Variants in ACKR2 observed in about 807,000 individuals in gnomAD.
ACKR2 encodes the protein atypical chemokine receptor 2, also known as C-C chemokine receptor D6.
For synonymous variants in ACKR2, 207 were observed against 192.2 expected (o/e 1.08, Z -0.64); for missense variants, 457 against 477.3 (o/e 0.96, Z 0.40).
chr3:42,833,594 A>C (rs183128829), intron 2 of ACKR2, among the ~76,000 whole-genome samples: 86 of 152,210 alleles, frequency 5.7e-4, no homozygotes, highest in African/African-American at 2.0e-3. Context: ...GACTAGTCAC[A>C]TTTCAGGTGC....
chr3:42,827,124 T>C (rs1172194391), intron 2 of ACKR2, among the ~76,000 whole-genome samples: 4 of 152,222 alleles, frequency 2.6e-5, no homozygotes, highest in Non-Finnish European at 5.9e-5. Context: ...TTGAGACTTG[T>C]TATATGGCCT....
intron 2 of ACKR2, among the ~76,000 whole-genome samples, chr3:42,832,097 G>A (rs948949820): frequency 1.3e-5 from 2 of 152,174 alleles, no homozygotes; most frequent in African/African-American, 2.4e-5. Context: ...AGATAGAGAT[G>A]ACCCTCCCCT....
rs199846772 is a variant in ACKR2, at chr3:42,828,074, T to TTATATATA, written c.-38+8375_-38+8382dup. ...GAGGATATGTCAAAGGATGCTTGCA[T>TTATATATA]TATATATATATATATATATTTTTTT... is the stretch of plus-strand genomic sequence containing the variant. On this transcript the variant is annotated intron_variant, in intron 2 of 2. Transcript: ENST00000422265. 4.6e-3 allele frequency among the ~76,000 whole-genome samples: 567 copies of TTATATATA among 122,464 alleles called. 6 individuals carry two copies. Among genetic ancestry groups the TTATATATA allele is most frequent in the African/African-American group, 8.6e-3 (283 of 33,098 alleles). The allele number at this position is 122,464 out of a possible 152,430, so 80.3% of individuals were successfully genotyped here.
intron 2 of ACKR2, among the ~76,000 whole-genome samples, chr3:42,832,786 T>A (rs1425067615): frequency 6.6e-6 from 1 of 152,152 alleles, no homozygotes; most frequent in East Asian, 1.9e-4. Flanking sequence ...CTCAACTTCC[T>A]AGGCTCAAGC....
In ACKR2 at chr3:42,838,733, A is replaced by G. The variant is rs1701008239; in HGVS notation, c.-38+19022A>G. 3.3e-5 allele frequency among the ~76,000 whole-genome samples: 5 copies of G among 152,236 alleles called. 1 individual carries two copies. In the South Asian group the frequency reaches 8.3e-4, roughly 25 times the overall value. On this transcript the variant is annotated intron_variant, in intron 2 of 2. Coordinates refer to ENST00000422265, the MANE Select transcript of ACKR2 (RefSeq NM_001296.5). ...CCAAGTGAAATGAAAACCTATGTTC[A>G]CACAAAGATCTGCACGTGAATGTTT...
Position 42,852,362 on chromosome 3 carries a change from A to G in ACKR2, c.-37-12104A>G, listed in dbSNP as rs1355389518. ...CATCAAAAAACATTCTGGGAAAGACATGAAAGTCTCACCTTCTGCAGCAGC... is the reference window on the plus strand; with the variant it reads ...CATCAAAAAACATTCTGGGAAAGACGTGAAAGTCTCACCTTCTGCAGCAGC... On this transcript the variant is annotated intron_variant, in intron 2 of 2. Transcript: ENST00000422265. The surrounding 1 kb of genome is among the most constrained non-coding windows in gnomAD (Gnocchi z 4.3). 1 of 152,276 alleles carries G rather than the reference A, an allele frequency of 6.6e-6. No individual in the cohort carries two copies. Among genetic ancestry groups the G allele is most frequent in the African/African-American group, 2.4e-5 (1 of 41,474 alleles). 9.4% of individuals were successfully genotyped at this position (152,276 alleles called of 1,614,324 possible).
At chr3:42,830,385 G>T (rs970210090) in intron 2 of ACKR2, among the ~76,000 whole-genome samples, 1 of 152,128 alleles carries the variant, frequency 6.6e-6, no homozygotes, top group African/African-American at 2.4e-5. Context: ...CAAAGGGCTG[G>T]GATTACAGGC....
Position 42,823,922 on chromosome 3 carries a change from C to T in ACKR2, c.-38+4211C>T, listed in dbSNP as rs1176324307. On this transcript the variant is annotated intron_variant, in intron 2 of 2. Transcript: ENST00000422265. Reference sequence around the variant, plus strand: ...GAACACTGAGACAATCACAGTCGTCCCTTCGTATCCACAGGGGATTGGTTT... The same window carrying T: ...GAACACTGAGACAATCACAGTCGTCTCTTCGTATCCACAGGGGATTGGTTT... Among the ~76,000 whole-genome samples, 4 of 152,120 alleles carry T rather than the reference C, an allele frequency of 2.6e-5. No individual in the cohort carries two copies. The East Asian group carries it at 7.7e-4, about 29-fold the overall frequency.
intron 2 of ACKR2, among the ~76,000 whole-genome samples, chr3:42,854,814 G>C (rs2088292817): frequency 6.6e-6 from 1 of 151,618 alleles, no homozygotes; most frequent in Non-Finnish European, 1.5e-5. Context: ...CCCAGTGAGG[G>C]TAAGATCCTG....
chr3:42,864,735 G>A lies in ACKR2; in HGVS notation c.233G>A (p.Arg78Lys). ...LMVLLRYVPR[R>K]RMVEIYLLNL... The stretch of plus-strand genomic sequence containing the variant: ...GTCTTGCTCCGTTACGTGCCTCGCA[G>A]GCGGATGGTTGAGATCTATCTGCTG... The change falls in exon 3 of 3, where the codon AGG becomes AAG. Residue 78 changes from arginine to lysine, a missense_variant. By Grantham distance (26) the Arg-to-Lys change is conservative. Transcript: ENST00000422265. 2 of 1,614,200 alleles carry A rather than the reference G, an allele frequency of 1.2e-6. No individual in the cohort carries two copies. The highest frequency in any genetic ancestry group is 1.6e-4 in the Middle Eastern group (1 of 6,062).
At chr3:42,818,584 C>T (rs1040585331) in intron 1 of ACKR2, among the ~76,000 whole-genome samples, 1 of 152,098 alleles carries the variant, frequency 6.6e-6, no homozygotes, top group Non-Finnish European at 1.5e-5. Flanking sequence ...TTTTTTGAGA[C>T]GGAGTCTCAC....
chr3:42,831,515 G>C (rs1700932427), intron 2 of ACKR2, among the ~76,000 whole-genome samples: 1 of 152,214 alleles, frequency 6.6e-6, no homozygotes, highest in South Asian at 2.1e-4. Flanking sequence ...CCAGGATGCT[G>C]CTTGCCAGTT....
At chr3:42,841,383 G>A (rs772258928) in intron 2 of ACKR2, among the ~76,000 whole-genome samples, 5 of 152,218 alleles carry the variant, frequency 3.3e-5, no homozygotes, top group Non-Finnish European at 5.9e-5. Flanking sequence ...ATTTCCATTA[G>A]AGGTTAGTGA....
chr3:42,851,380 G>A (rs1701157643), intron 2 of ACKR2: 3 of 985,520 alleles, frequency 3.0e-6, no homozygotes, highest in Middle Eastern at 5.2e-4. Context: ...ACTTCCCTGA[G>A]GAAGAGGCAC....
intron 2 of ACKR2, among the ~76,000 whole-genome samples, chr3:42,854,893 GT>G (rs2088296513): frequency 7.9e-6 from 1 of 126,922 alleles, no homozygotes; most frequent in Non-Finnish European, 1.6e-5. Context: ...TTTCACTCTT[GT>G]TGCCCAGGCT....
At chr3:42,848,273 C>T (rs895236482) in intron 2 of ACKR2, among the ~76,000 whole-genome samples, 3 of 128,002 alleles carry the variant, frequency 2.3e-5, no homozygotes, top group South Asian at 2.5e-4. Context: ...TGCTGGAGTG[C>T]ACGGCACAAT....
At position 42,825,893 on chromosome 3, in the gene ACKR2, C is replaced by T. The variant is rs1479495082; in HGVS notation, c.-38+6182C>T. Among the ~76,000 whole-genome samples the T allele has an allele frequency of 5.4e-5, 7 of 129,500 alleles. No homozygotes were observed. The East Asian group carries it at 6.4e-4, about 12-fold the overall frequency. The allele number at this position is 129,500 out of a possible 152,430, so 85.0% of individuals were successfully genotyped here. On this transcript the variant is annotated intron_variant, in intron 2 of 2. Coordinates refer to ENST00000422265, the MANE Select transcript of ACKR2 (RefSeq NM_001296.5). ...TTTTTTTTTTGTAGATACCATTAAT[C>T]AGGTTGAGGATGTTCCCTAGTTTAT...
Position 42,864,703 on chromosome 3 carries a change from T to C in ACKR2, c.201T>C (p.Leu67=). Residue 67 remains leucine, a synonymous_variant, in exon 3 of 3, where the codon CTT becomes CTC. Coordinates refer to ENST00000422265, the MANE Select transcript of ACKR2 (RefSeq NM_001296.5). The part of the protein sequence containing the change: ...FVLGLSGNLL[L]LMVLLRYVPR... ...TGGGCCTCAGCGGGAACCTCCTTCT[T>C]CTCATGGTCTTGCTCCGTTACGTGC... is the stretch of plus-strand genomic sequence containing the variant. 6.2e-7 allele frequency: 1 copy of C among 1,614,182 alleles called. No individual in the cohort carries two copies. Among genetic ancestry groups the C allele is most frequent in the Non-Finnish European group, 8.5e-7 (1 of 1,180,020 alleles).
At chr3:42,829,451 G>A (rs1700906669) in intron 2 of ACKR2, among the ~76,000 whole-genome samples, 1 of 152,150 alleles carries the variant, frequency 6.6e-6, no homozygotes, top group Non-Finnish European at 1.5e-5. Context: ...AGGAATGAGG[G>A]GCAATTCTGG....
Sources: allele counts gnomAD v4.1 joint callset (sites outside exome capture counted in the v4.1 genomes callset), GRCh38; gene constraint gnomAD v4.1.1; non-coding constraint Gnocchi (gnomAD v3.1); transcripts MANE v1.5; gene names NCBI Gene and HGNC (gene_info 2026-07-23, HGNC 2026-07-21).